MST1R: variants seen among roughly 807,000 people sequenced by gnomAD.
The protein encoded by MST1R is macrophage stimulating 1 receptor.
Under a neutral mutation model 117.8 loss-of-function variants are expected in MST1R, and 99 were observed. The observed-to-expected ratio is 0.84, with a 90% CI of 0.71 to 0.99. The LOEUF is 0.99. Ranked by LOEUF, MST1R falls within the 50% of genes least tolerant of loss-of-function variation. The pLI is 0.00. For synonymous variants in MST1R, 734 were observed against 765.3 expected (o/e 0.96, Z 0.68); for missense variants, 1,683 against 1,840.2 (o/e 0.91, Z 1.56).
intron 1 of MST1R, among the ~76,000 whole-genome samples, chr3:49,901,410 C>A (rs1268162982): frequency 6.6e-6 from 1 of 152,076 alleles, no homozygotes; most frequent in South Asian, 2.1e-4. Flanking sequence ...CTGGAGAGAA[C>A]CTAGATAGAG....
chr3:49,895,650 T>C lies in MST1R; in HGVS notation c.2962+65A>G, dbSNP rs1575436044. 8.7e-6 allele frequency: 14 copies of C among 1,611,826 alleles called. No homozygotes were observed. The East Asian group carries it at 2.0e-4, about 23-fold the overall frequency. On this transcript the variant is annotated intron_variant, in intron 12 of 19. Coordinates refer to ENST00000296474, the MANE Select transcript of MST1R (RefSeq NM_002447.4). ...CTAAGTCCTGGGCAGAGAGAGGATG[T>C]AGGGACTTGAAGATGCCATTGGTTG... is the stretch of plus-strand genomic sequence containing the variant.
intron 17 of MST1R, 147 bp from the exon 18 acceptor site, chr3:49,890,797 C>T (rs775567125): frequency 1.3e-6 from 1 of 765,992 alleles, no homozygotes; most frequent in Non-Finnish European, 2.0e-6. Flanking sequence ...GCGATCTCCG[C>T]TCACTGCAAG....
Position 49,897,306 on chromosome 3 carries a change from G to T in MST1R, c.2157C>A (p.Val719=). ...LSVGTSRAVL[V]NGTECLLARV... is the part of the protein sequence containing the mutation. ...GTGCTAGCAGACACTCAGTCCCATT[G>T]ACCAGCACAGCCCGGCTGGTGCCTA... The change falls in exon 7 of 20, where the codon GTC becomes GTA. Residue 719 remains valine (V), a synonymous_variant. Transcript: ENST00000296474. The T allele has an allele frequency of 6.2e-7, 1 of 1,612,666 alleles. No homozygotes were observed. Among genetic ancestry groups the T allele is most frequent in the Admixed American group, 1.7e-5 (1 of 59,840 alleles).
intron 14 of MST1R, 92 bp downstream of exon 14, chr3:49,895,075 T>A (rs963657957): frequency 7.2e-7 from 1 of 1,393,126 alleles, no homozygotes. Flanking sequence ...CCTCCCAAAG[T>A]GCTGGGATTA....
In MST1R at chr3:49,890,617, G is replaced by C. The variant is rs1236947451; in HGVS notation, c.3678C>G (p.Asp1226Glu). The C allele has an allele frequency of 6.2e-7, 1 of 1,613,762 alleles. No individual in the cohort carries two copies. Residue 1226 changes from aspartate (D) to glutamate (E), a missense_variant, in exon 18 of 20, where the codon GAC becomes GAG. Transcript: ENST00000296474. ...LDESFTVKVADFGLARDILDR... is the reference protein window; with the variant it reads ...LDESFTVKVAEFGLARDILDR... ...CCAGGATGTCGCGGGCCAAACCAAAGTCAGCCACCTTGACTGTGAATGACT... is the reference window on the plus strand; with the variant it reads ...CCAGGATGTCGCGGGCCAAACCAAACTCAGCCACCTTGACTGTGAATGACT...
chr3:49,887,128 A>G lies in MST1R; in HGVS notation c.*179T>C. The G allele has an allele frequency of 1.3e-6, 1 of 793,276 alleles. No homozygotes were observed. Among genetic ancestry groups the G allele is most frequent in the Non-Finnish European group, 2.0e-6 (1 of 498,542 alleles). 49.1% of individuals were successfully genotyped at this position (793,276 alleles called of 1,614,324 possible). A position where few individuals can be genotyped will look rare whatever the true frequency, so the allele number is the denominator to read the frequency against. On this transcript the variant is annotated 3_prime_UTR_variant, in exon 20 of 20. Coordinates refer to ENST00000296474, the MANE Select transcript of MST1R (RefSeq NM_002447.4). Reference sequence around the variant, plus strand: ...GCACTCCATAAATACATGTTGCAGGACTGCCCTCACTGGCTCACTCTGTGG... The same window carrying G: ...GCACTCCATAAATACATGTTGCAGGGCTGCCCTCACTGGCTCACTCTGTGG...
At chr3:49,894,635 A>G (rs1283558918) in intron 14 of MST1R, among the ~76,000 whole-genome samples, 2 of 152,130 alleles carry the variant, frequency 1.3e-5, no homozygotes, top group Non-Finnish European at 2.9e-5. Flanking sequence ...AGAGGCTACA[A>G]TCTTCCTATG....
intron 14 of MST1R, among the ~76,000 whole-genome samples, chr3:49,892,481 C>A (rs541204705): frequency 6.7e-6 from 1 of 149,610 alleles, no homozygotes; most frequent in Non-Finnish European, 1.5e-5. Context: ...GAGCCAAGAT[C>A]GTGTCACTGC....
chr3:49,897,625 G>C lies in MST1R; in HGVS notation c.1941C>G (p.Thr647=). Residue 647 remains threonine, a synonymous_variant, in exon 6 of 20, where the codon ACC becomes ACG. Transcript: ENST00000296474. ...TGACGTTGGTAGGCCCCACTGCCTG[G>C]GTGCCCAAGGGCTCCAGTTCACACT... ...EFECELEPLG[T]QAVGPTNVSL... 1 of 1,614,132 alleles carries C rather than the reference G, an allele frequency of 6.2e-7. No homozygotes were observed. Among genetic ancestry groups the C allele is most frequent in the South Asian group, 1.1e-5 (1 of 91,084 alleles).
intron 4 of MST1R, 63 bp downstream of exon 4, chr3:49,898,455 C>A: frequency 6.4e-7 from 1 of 1,571,226 alleles, no homozygotes; most frequent in Non-Finnish European, 8.6e-7. Flanking sequence ...TCAAGACTTG[C>A]TGACCACCAC....
chr3:49,899,560 CTTTTTTTTTTTTTTTTTTTT>C (rs66742220), intron 1 of MST1R: 3 of 66,314 alleles, frequency 4.5e-5, no homozygotes, highest in South Asian at 2.6e-4. Context: ...CCCCGTACAT[CTTTTTTTTTTTTTTTTTTTT>C]TTTTTTTTTT....
chr3:49,899,529 C>A (rs1014200682), intron 1 of MST1R: 5 of 388,006 alleles, frequency 1.3e-5, no homozygotes, highest in Non-Finnish European at 2.0e-5. Flanking sequence ...GTGAGTTACC[C>A]CCATTCCATC....
chr3:49,892,424 G>A (rs1221407669), intron 14 of MST1R, among the ~76,000 whole-genome samples: 1 of 151,870 alleles, frequency 6.6e-6, no homozygotes. Context: ...CTGCTTGGGA[G>A]CCTGAGGCAG....
chr3:49,889,228 T>G (rs2082243963), intron 19 of MST1R, among the ~76,000 whole-genome samples: 1 of 152,208 alleles, frequency 6.6e-6, no homozygotes, highest in South Asian at 2.1e-4. Flanking sequence ...TGAGTCTGTT[T>G]CCAGGAGCCC....
chr3:49,895,641 G>C (rs1047652100), intron 12 of MST1R, 74 bp downstream of exon 12: 1 of 1,611,678 alleles, frequency 6.2e-7, no homozygotes, highest in Non-Finnish European at 8.5e-7. Flanking sequence ...CCTGGGCAGA[G>C]AGAGGATGTA....
At position 49,891,274 on chromosome 3, in the gene MST1R, G is replaced by A; in HGVS notation, c.3567C>T (p.Gly1189=). Residue 1189 remains glycine, a synonymous_variant, in exon 17 of 20, where the codon GGC becomes GGT. Transcript: ENST00000296474. ...ACTCCATGCCGCGGGCTACCTGCAG[G>A]CCAAAGCTGATGAGGTCCTTCACGG... The part of the protein sequence containing the change: ...NPTVKDLISF[G]LQVARGMEYL... 2 of 1,614,142 alleles carry A rather than the reference G, an allele frequency of 1.2e-6. No homozygotes were observed. Among genetic ancestry groups the A allele is most frequent in the South Asian group, 1.1e-5 (1 of 91,082 alleles).
rs568339174 is a variant in MST1R, at chr3:49,902,932, C to T, written c.678G>A (p.Ser226=). ...ACGCCACAAAGCCCGGTGCGAATCCCGAGGCGTCAGCCTTGAGACGCCTGA... is the reference window on the plus strand; with the variant it reads ...ACGCCACAAAGCCCGGTGCGAATCCTGAGGCGTCAGCCTTGAGACGCCTGA... ...VSIRRLKADA[S]GFAPGFVALS... is the part of the protein sequence containing the mutation. Residue 226 remains serine (S), a synonymous_variant, in exon 1 of 20, where the codon TCG becomes TCA. Coordinates refer to ENST00000296474, the MANE Select transcript of MST1R (RefSeq NM_002447.4). The T allele has an allele frequency of 1.2e-5, 20 of 1,613,354 alleles. No homozygotes were observed. Among genetic ancestry groups the T allele is most frequent in the Admixed American group, 1.7e-5 (1 of 60,028 alleles).
In MST1R at chr3:49,891,751, C is replaced by G. The variant is rs759032122; in HGVS notation, c.3352+7G>C. On this transcript the variant is annotated splice_region_variant and intron_variant, in intron 15 of 19. Coordinates refer to ENST00000296474, the MANE Select transcript of MST1R (RefSeq NM_002447.4). Reference sequence around the variant, plus strand: ...CCCTCTGCCTTCCCATCTTCTGCCCCACTTACGACTTAGTGACTTGATGGC... The same window carrying G: ...CCCTCTGCCTTCCCATCTTCTGCCCGACTTACGACTTAGTGACTTGATGGC... 3 of 1,613,988 alleles carry G rather than the reference C, an allele frequency of 1.9e-6. No individual in the cohort carries two copies. The East Asian group carries it at 6.7e-5, about 36-fold the overall frequency.
intron 17 of MST1R, 85 bp from the exon 18 acceptor site, chr3:49,890,735 T>C: frequency 7.1e-7 from 1 of 1,406,688 alleles, no homozygotes; most frequent in Non-Finnish European, 9.5e-7. Context: ...CAGAATTTTT[T>C]TTTTTTTTGA....
Sources: gnomAD v4.1 joint callset for allele counts (sites outside exome capture counted in the v4.1 genomes callset) on GRCh38, gnomAD v4.1.1 for gene constraint, MANE v1.5 for transcripts, NCBI Gene and HGNC (gene_info 2026-07-23, HGNC 2026-07-21) for gene names.